PIAS2: variants seen among roughly 807,000 people sequenced by gnomAD.
PIAS2 encodes the protein E3 SUMO-protein ligase PIAS2.
Under a neutral mutation model 69.7 loss-of-function variants are expected in PIAS2, and 19 were observed. The observed-to-expected ratio is 0.27, with a 90% CI of 0.19 to 0.40. The LOEUF (loss-of-function observed/expected upper bound fraction) is 0.40. Ranked by LOEUF, PIAS2 falls within the 10% of genes least tolerant of loss-of-function variation. PIAS2 has a pLI of 1.00. For missense variants in PIAS2, 624 were observed against 757.0 expected (o/e 0.82, Z 2.06); for synonymous variants, 261 against 263.2 (o/e 0.99, Z 0.08).
In PIAS2 at chr18:46,844,044, C is replaced by G. The variant is rs1201142816; in HGVS notation, c.1041+10G>C. On this transcript the variant is annotated intron_variant, in intron 8 of 13. Transcript: ENST00000585916. ...TCAAATTCCCCAAAATGTTTTGTTG[C>G]TTTACTTACAGGGCACATCAAGGAT... 6.8e-7 allele frequency: 1 copy of G among 1,467,298 alleles called. No homozygotes were observed. Among genetic ancestry groups the G allele is most frequent in the Non-Finnish European group, 9.1e-7 (1 of 1,095,692 alleles). The allele number at this position is 1,467,298 out of a possible 1,614,324, so 90.9% of individuals were successfully genotyped here.
intron 12 of PIAS2, chr18:46,815,785 T>C (rs1020348090): frequency 2.0e-6 from 2 of 996,246 alleles, no homozygotes; most frequent in Non-Finnish European, 2.4e-6. Context: ...CTTAAACAGA[T>C]GTCTATTTCA....
rs2054018963 is a variant in PIAS2 at position 46,891,148 on chromosome 18, T to G, written c.25-94A>C. ...AATGTAAAATGTGATTTTTCCAGCA[T>G]TCTATCAATTGGCATGTGCTAGTAA... is the stretch of plus-strand genomic sequence containing the variant. On this transcript the variant is annotated intron_variant, in intron 1 of 13. Coordinates refer to ENST00000585916, the MANE Select transcript of PIAS2 (RefSeq NM_004671.5). The G allele has an allele frequency of 1.6e-5, 14 of 886,490 alleles. No homozygotes were observed. The South Asian group carries it at 2.2e-4, about 14-fold the overall frequency. 54.9% of individuals were successfully genotyped at this position (886,490 alleles called of 1,614,324 possible).
At position 46,844,857 on chromosome 18, in the gene PIAS2, A is replaced by G. The variant is rs750930980; in HGVS notation, c.862-18T>C. ...GAGTAATTCTACAAACAAACAAAAA[A>G]AACCTGCATTAAAGATGAGAGATAA... On this transcript the variant is annotated intron_variant, in intron 6 of 13. Transcript: ENST00000585916. 1.9e-6 allele frequency: 2 copies of G among 1,052,412 alleles called. No homozygotes were observed. The highest frequency in any genetic ancestry group is 1.4e-6 in the Non-Finnish European group (1 of 734,376). The allele number at this position is 1,052,412 out of a possible 1,614,324, so 65.2% of individuals were successfully genotyped here.
chr18:46,867,370 G>T (rs1488300805), intron 2 of PIAS2, among the ~76,000 whole-genome samples: 1 of 152,172 alleles, frequency 6.6e-6, no homozygotes, highest in Non-Finnish European at 1.5e-5. Flanking sequence ...AACATTGACA[G>T]TTCTTAGATA....
chr18:46,855,518 A>G lies in PIAS2; in HGVS notation c.635+47T>C, dbSNP rs201971761. The stretch of plus-strand genomic sequence containing the variant: ...TTTTAAAATTCAGAACTACATGCAC[A>G]TAGTAAGCAAGTATAAAACTAAGGT... On this transcript the variant is annotated intron_variant, in intron 4 of 13. Coordinates refer to ENST00000585916, the MANE Select transcript of PIAS2 (RefSeq NM_004671.5). 11 of 1,572,314 alleles carry G rather than the reference A, an allele frequency of 7.0e-6. No individual in the cohort carries two copies. The East Asian group carries it at 1.8e-4, about 26-fold the overall frequency.
At chr18:46,816,909 CAG>C (rs915879777) in intron 12 of PIAS2, 1 of 937,788 alleles carries the variant, frequency 1.1e-6, no homozygotes, top group African/African-American at 1.8e-5. Context: ...TCTCAATAAG[CAG>C]ATTTTGTCTT....
At chr18:46,911,933 C>G (rs1371353541) in intron 1 of PIAS2, among the ~76,000 whole-genome samples, 2 of 152,150 alleles carry the variant, frequency 1.3e-5, no homozygotes, top group Non-Finnish European at 2.9e-5. Context: ...TGCCTGTAAT[C>G]CCAGCTAATC....
chr18:46,837,493 C>T (rs607780), intron 8 of PIAS2, among the ~76,000 whole-genome samples: 80,259 of 151,920 alleles, frequency 0.53, 21,435 homozygotes, highest in African/African-American at 0.57. Context: ...TAAGAAATCA[C>T]GTGTGTAACA....
chr18:46,863,412 C>T (rs1176794887), intron 3 of PIAS2, among the ~76,000 whole-genome samples: 4 of 152,050 alleles, frequency 2.6e-5, no homozygotes, highest in Non-Finnish European at 5.9e-5. Flanking sequence ...GCAGCCTCGA[C>T]CTCCCAGGCT....
chr18:46,821,210 C>G (rs1214520059), intron 11 of PIAS2, 138 bp from the exon 12 acceptor site: 1 of 717,178 alleles, frequency 1.4e-6, no homozygotes, highest in Non-Finnish European at 2.4e-6. Flanking sequence ...CTACACAGCA[C>G]TCCACTCTAC....
At chr18:46,827,402 G>A (rs1473887856) in intron 11 of PIAS2, 1 of 152,162 alleles carries the variant, frequency 6.6e-6, no homozygotes, top group East Asian at 1.9e-4. Flanking sequence ...TTTTGCCCTG[G>A]AGAGGGTGAA....
In PIAS2 at chr18:46,902,691, A is replaced by G. The variant is rs72915071; in HGVS notation, c.25-11637T>C. Among the ~76,000 whole-genome samples the G allele has an allele frequency of 3.9e-5, 6 of 152,346 alleles. No homozygotes were observed. In the East Asian group the frequency reaches 5.8e-4, roughly 15 times the overall value. On this transcript the variant is annotated intron_variant, in intron 1 of 13. Transcript: ENST00000585916. The stretch of plus-strand genomic sequence containing the variant: ...CATAATTCCTATCCAAATTCCAACA[A>G]GATTTTTGTAGATATAGATGAGATT...
intron 1 of PIAS2, among the ~76,000 whole-genome samples, chr18:46,904,472 C>T (rs756167457): frequency 2.6e-4 from 39 of 152,102 alleles, no homozygotes; most frequent in South Asian, 6.2e-4. Context: ...CCTAGAAGGC[C>T]GGGTGCGGTG....
chr18:46,856,526 C>T lies in PIAS2; in HGVS notation c.585-911G>A, dbSNP rs567870349. On this transcript the variant is annotated intron_variant, in intron 3 of 13. Transcript: ENST00000585916. Reference sequence around the variant, plus strand: ...ATTTCTAGATGAGAATCTAATGGTCCCATGTAAAATATATTTCATACTGAA... The same window carrying T: ...ATTTCTAGATGAGAATCTAATGGTCTCATGTAAAATATATTTCATACTGAA... 5.9e-5 allele frequency among the ~76,000 whole-genome samples: 9 copies of T among 152,062 alleles called. No homozygotes were observed. The South Asian group carries it at 1.9e-3, about 32-fold the overall frequency.
intron 2 of PIAS2, among the ~76,000 whole-genome samples, chr18:46,888,408 C>T (rs536213246): frequency 2.4e-4 from 36 of 151,768 alleles, no homozygotes; most frequent in African/African-American, 6.8e-4. Flanking sequence ...CTAAAATTCA[C>T]GTGGAATCTC....
intron 11 of PIAS2, among the ~76,000 whole-genome samples, chr18:46,826,294 C>T (rs1047220195): frequency 4.6e-5 from 7 of 152,146 alleles, no homozygotes; most frequent in African/African-American, 1.7e-4. Context: ...GATTTTGTCG[C>T]CCACTGTGTA....
chr18:46,865,978 G>A (rs1013624851), intron 2 of PIAS2, among the ~76,000 whole-genome samples: 2 of 152,086 alleles, frequency 1.3e-5, no homozygotes, highest in Non-Finnish European at 2.9e-5. Context: ...CCTCTTAACT[G>A]CCAAATGTAA....
chr18:46,908,003 A>C (rs2056830447), intron 1 of PIAS2: 1 of 152,192 alleles, frequency 6.6e-6, no homozygotes, highest in African/African-American at 2.4e-5. Flanking sequence ...GGAGGGGAAT[A>C]TTTAGAGTGC....
chr18:46,863,943 A>G (rs2049039770), intron 3 of PIAS2, among the ~76,000 whole-genome samples: 1 of 152,230 alleles, frequency 6.6e-6, no homozygotes, highest in Admixed American at 6.5e-5. Context: ...CCACGGATGC[A>G]CTAGCACAGA....
Sources: allele counts gnomAD v4.1 joint callset (sites outside exome capture counted in the v4.1 genomes callset), GRCh38; gene constraint gnomAD v4.1.1; transcripts MANE v1.5; gene names NCBI Gene and HGNC (gene_info 2026-07-23, HGNC 2026-07-21).